TXNL4A: variants seen among roughly 807,000 people sequenced by gnomAD.
TXNL4A encodes the protein thioredoxin like 4A, also known as thioredoxin-like protein 4A.
In TXNL4A, 17 loss-of-function variants were observed where a neutral mutation model predicts 14.6. That is an observed-to-expected ratio of 1.16 (90% confidence interval 0.80 to 1.74). The LOEUF is 1.74. Ranked by LOEUF, TXNL4A falls within the 40% of genes most tolerant of loss-of-function variation. The probability of loss-of-function intolerance (pLI) is 0.00; values close to 1 mark genes in which losing one functional copy is unlikely to be tolerated. For missense variants in TXNL4A, 74 were observed against 195.2 expected (o/e 0.38, Z 3.70); for synonymous variants, 83 against 70.6 (o/e 1.18, Z -0.88).
intron 1 of TXNL4A, among the ~76,000 whole-genome samples, chr18:80,023,206 G>T (rs1049788341): frequency 6.6e-6 from 1 of 152,136 alleles, no homozygotes; most frequent in African/African-American, 2.4e-5. Flanking sequence ...CCTTTGATGG[G>T]GACAGTATTG....
chr18:79,974,960 T>C (rs549228040), intron 2 of TXNL4A, among the ~76,000 whole-genome samples: 1 of 152,174 alleles, frequency 6.6e-6, no homozygotes, highest in Non-Finnish European at 1.5e-5. Flanking sequence ...GTAGAAAGTA[T>C]TCCCCGTGAA....
intron 2 of TXNL4A, among the ~76,000 whole-genome samples, chr18:79,974,881 C>A (rs1297275975): frequency 6.6e-6 from 1 of 152,158 alleles, no homozygotes; most frequent in Admixed American, 6.5e-5. Context: ...GCAGGCATAC[C>A]CCACCTAAAG....
chr18:79,998,520 AG>A (rs1240638202), intron 1 of TXNL4A, among the ~76,000 whole-genome samples: 1 of 150,506 alleles, frequency 6.6e-6, no homozygotes, highest in African/African-American at 2.5e-5. Flanking sequence ...TACTGCATCC[AG>A]GGTACTGATC....
chr18:80,012,886 A>G (rs965705264), intron 1 of TXNL4A, among the ~76,000 whole-genome samples: 69 of 151,614 alleles, frequency 4.6e-4, no homozygotes, highest in Non-Finnish European at 9.3e-4. Context: ...CCTCCTGGGA[A>G]ACGGGGTGAG....
At chr18:80,029,545 C>T (rs1182092010) in intron 1 of TXNL4A, among the ~76,000 whole-genome samples, 1 of 152,204 alleles carries the variant, frequency 6.6e-6, no homozygotes, top group Admixed American at 6.5e-5. Flanking sequence ...AACGTCACAG[C>T]GACAGGGGAA....
chr18:80,009,487 A>G (rs1172759304), intron 1 of TXNL4A, among the ~76,000 whole-genome samples: 1 of 152,180 alleles, frequency 6.6e-6, no homozygotes, highest in Non-Finnish European at 1.5e-5. Context: ...CGGGACACCA[A>G]CAGGGCTGTT....
At chr18:80,033,562 G>A (rs954355568) in intron 1 of TXNL4A, among the ~76,000 whole-genome samples, 1 of 152,276 alleles carries the variant, frequency 6.6e-6, no homozygotes, top group Non-Finnish European at 1.5e-5. Flanking sequence ...GGCGGAAACA[G>A]ACGGACCCCT....
chr18:79,990,578 T>G (rs1467872869), upstream of TXNL4A, among the ~76,000 whole-genome samples: 1 of 152,254 alleles, frequency 6.6e-6, no homozygotes, highest in Non-Finnish European at 1.5e-5. Context: ...ATTTTGGTAG[T>G]CACTCATTTC....
intron 1 of TXNL4A, among the ~76,000 whole-genome samples, chr18:80,018,535 A>G (rs1459412537): frequency 6.6e-6 from 1 of 152,194 alleles, no homozygotes; most frequent in African/African-American, 2.4e-5. Flanking sequence ...CAAAAAATTA[A>G]TGAATCCAGG....
At chr18:79,996,122 A>AAC (rs1236679880) in intron 1 of TXNL4A, among the ~76,000 whole-genome samples, 2 of 150,988 alleles carry the variant, frequency 1.3e-5, no homozygotes, top group Admixed American at 6.6e-5. Context: ...AAAAAAAAAA[A>AAC]AAAAACGGCC....
intron 1 of TXNL4A, among the ~76,000 whole-genome samples, chr18:80,009,069 G>A (rs1366238298): frequency 5.3e-5 from 8 of 152,166 alleles, no homozygotes; most frequent in Admixed American, 2.6e-4. Context: ...GAGCCACTGC[G>A]CCCGGCCTAC....
intron 1 of TXNL4A, among the ~76,000 whole-genome samples, chr18:80,003,588 C>G (rs1419992395): frequency 6.6e-6 from 1 of 152,030 alleles, no homozygotes; most frequent in Non-Finnish European, 1.5e-5. Flanking sequence ...TTTCCAGAAC[C>G]TGGCTGATTA....
intron 1 of TXNL4A, among the ~76,000 whole-genome samples, chr18:80,008,738 G>A (rs2051749256): frequency 3.3e-5 from 5 of 152,024 alleles, no homozygotes; most frequent in Admixed American, 6.6e-5. Context: ...ACTTTCCTTT[G>A]AAAGAAGCAG....
intron 1 of TXNL4A, among the ~76,000 whole-genome samples, chr18:80,004,042 T>C (rs879306308): frequency 6.6e-6 from 1 of 152,006 alleles, no homozygotes; most frequent in Non-Finnish European, 1.5e-5. Context: ...GATAGGTCAC[T>C]GGTCTCAAAG....
intron 1 of TXNL4A, among the ~76,000 whole-genome samples, chr18:80,007,631 A>G (rs576195295): frequency 1.1e-4 from 16 of 152,172 alleles, no homozygotes; most frequent in African/African-American, 3.1e-4. Flanking sequence ...AGTATAAAAC[A>G]ATATGAAACA....
rs1441848285 is a variant in TXNL4A at position 79,982,283 on chromosome 18, G to C, written c.154-4582C>G. Among the ~76,000 whole-genome samples, 1 of 152,166 alleles carries C rather than the reference G, an allele frequency of 6.6e-6. No homozygotes were observed. Among genetic ancestry groups the C allele is most frequent in the Non-Finnish European group, 1.5e-5 (1 of 68,026 alleles). ...GCCCACAGAGGACCTTTTCCACTTG[G>C]GATTCTGGGCCATGTATTTATTTCT... On this transcript the variant is annotated intron_variant, in intron 1 of 2. Transcript: ENST00000269601. This position sits in a 1 kb window ranked among gnomAD's most constrained non-coding sequence, Gnocchi z 4.0.
intron 2 of TXNL4A, among the ~76,000 whole-genome samples, chr18:79,974,130 A>G (rs988879298): frequency 6.6e-6 from 1 of 152,148 alleles, no homozygotes; most frequent in Non-Finnish European, 1.5e-5. Flanking sequence ...AGGTCAAAGG[A>G]GGGCAGGCGC....
intron 2 of TXNL4A, 67 bp from the exon 3 acceptor site, chr18:79,973,923 A>G (rs1435579373): frequency 4.4e-6 from 7 of 1,577,368 alleles, no homozygotes; most frequent in Admixed American, 1.8e-5. Context: ...CTTGAAAACA[A>G]TGCCGTATTT....
chr18:79,983,636 T>G (rs888068791), intron 1 of TXNL4A, among the ~76,000 whole-genome samples: 43 of 152,346 alleles, frequency 2.8e-4, no homozygotes, highest in African/African-American at 9.4e-4. Flanking sequence ...CATTTTTAGG[T>G]AATTCATGTC....
Sources: allele counts gnomAD v4.1 joint callset (sites outside exome capture counted in the v4.1 genomes callset), GRCh38; gene constraint gnomAD v4.1.1; non-coding constraint Gnocchi (gnomAD v3.1); transcripts MANE v1.5; gene names NCBI Gene and HGNC (gene_info 2026-07-23, HGNC 2026-07-21).